Variants in TACC1 observed in about 807,000 individuals in gnomAD.
The protein encoded by TACC1 is transforming acidic coiled-coil-containing protein 1.
TACC1 carries 48 observed loss-of-function variants against 84.4 expected under a neutral mutation model. That is an observed-to-expected ratio of 0.57 (90% CI 0.45 to 0.72). The LOEUF (loss-of-function observed/expected upper bound fraction) is 0.72. Among genes scored for constraint, TACC1 ranks in the 30% least tolerant of loss-of-function variants. The pLI, the probability that TACC1 is intolerant of heterozygous loss-of-function variation, is 0.00. For missense variants in TACC1, 920 were observed against 973.0 expected (o/e 0.95, Z 0.72); for synonymous variants, 372 against 376.3 (o/e 0.99, Z 0.13).
intron 3 of TACC1, among the ~76,000 whole-genome samples, chr8:38,770,099 G>T (rs1411014220): frequency 6.6e-6 from 1 of 151,828 alleles, no homozygotes; most frequent in Non-Finnish European, 1.5e-5. Context: ...GAACATGCGT[G>T]CTCCCTGCGC....
intron 3 of TACC1, among the ~76,000 whole-genome samples, chr8:38,777,959 A>C (rs1442309781): frequency 6.6e-6 from 1 of 152,218 alleles, no homozygotes; most frequent in Non-Finnish European, 1.5e-5. Context: ...TTCTTTTGCT[A>C]GAAGAAATAA....
In TACC1 at chr8:38,819,742, C is replaced by T. The variant is rs747033299; in HGVS notation, c.498C>T (p.Leu166=). The T allele has an allele frequency of 2.5e-5, 40 of 1,613,942 alleles. No homozygotes were observed. The highest frequency in any genetic ancestry group is 8.9e-5 in the East Asian group (4 of 44,890). Residue 166 remains leucine (L), a synonymous_variant, in exon 3 of 13, where the codon CTC becomes CTT. Coordinates refer to ENST00000317827, the MANE Select transcript of TACC1 (RefSeq NM_006283.3). Reference sequence around the variant, plus strand: ...ATTCCACGGATATCTCGGCAGTCCTCGGAACAAAAGCAGCTCATGGCTGTG... The same window carrying T: ...ATTCCACGGATATCTCGGCAGTCCTTGGAACAAAAGCAGCTCATGGCTGTG... ...TKDSTDISAV[L]GTKAAHGCVT...
chr8:38,772,661 G>C (rs1301066629), intron 3 of TACC1, among the ~76,000 whole-genome samples: 1 of 152,144 alleles, frequency 6.6e-6, no homozygotes, highest in Non-Finnish European at 1.5e-5. Flanking sequence ...AAGAAAACAA[G>C]CGGCATAATG....
intron 2 of TACC1, among the ~76,000 whole-genome samples, chr8:38,789,530 A>C (rs542719938): frequency 6.6e-6 from 1 of 152,328 alleles, no homozygotes; most frequent in African/African-American, 2.4e-5. Context: ...AGAACCTGTG[A>C]AGGGTTAAGC....
rs1832700460 is a variant in TACC1 at position 38,848,545 on chromosome 8, A to G, written c.*522A>G. On this transcript the variant is annotated 3_prime_UTR_variant, in exon 13 of 13. Transcript: ENST00000317827. The stretch of plus-strand genomic sequence containing the variant: ...ATTACACACACTCTCACACACATAC[A>G]TGTATGTTTATAGATGCTGCTGCTC... 1 of 152,676 alleles carries G rather than the reference A, an allele frequency of 6.5e-6. No individual in the cohort carries two copies. The highest frequency in any genetic ancestry group is 2.1e-4 in the South Asian group (1 of 4,824). 9.5% of individuals were successfully genotyped at this position (152,676 alleles called of 1,614,324 possible). A position where few individuals can be genotyped will look rare whatever the true frequency, so the allele number is the denominator to read the frequency against.
At chr8:38,831,091 T>A (rs749988519) in intron 5 of TACC1, 34 bp from the exon 6 acceptor site, 30 of 1,612,694 alleles carry the variant, frequency 1.9e-5, no homozygotes, top group Non-Finnish European at 2.5e-5. Flanking sequence ...AACCGACTTC[T>A]TGGGATAACT....
intron 1 of TACC1, among the ~76,000 whole-genome samples, chr8:38,737,207 C>T (rs765568879): frequency 2.0e-5 from 3 of 152,184 alleles, no homozygotes; most frequent in South Asian, 4.1e-4. Context: ...ACTTCTCCTC[C>T]GTGCCTCCCT....
At chr8:38,794,517 G>A (rs761632778) in intron 2 of TACC1, among the ~76,000 whole-genome samples, 1 of 151,644 alleles carries the variant, frequency 6.6e-6, no homozygotes, top group Non-Finnish European at 1.5e-5. Flanking sequence ...GGTTGATATG[G>A]TGTATTTTTA....
chr8:38,777,255 CAAAAA>C (rs767145067), intron 3 of TACC1, among the ~76,000 whole-genome samples: 1 of 88,270 alleles, frequency 1.1e-5, no homozygotes. Flanking sequence ...GACTCCATCT[CAAAAA>C]AAAAAAAAAA....
intron 1 of TACC1, among the ~76,000 whole-genome samples, chr8:38,737,430 G>T (rs1004739692): frequency 6.6e-6 from 1 of 152,200 alleles, no homozygotes; most frequent in African/African-American, 2.4e-5. Flanking sequence ...AGGAGACTGG[G>T]CTGGAACAGA....
intron 4 of TACC1, among the ~76,000 whole-genome samples, chr8:38,825,811 T>G (rs36029398): frequency 0.13 from 19,668 of 152,208 alleles, 1,574 homozygotes; most frequent in South Asian, 0.29. Context: ...GATGGTAGAT[T>G]TTTTTGGGCA....
intron 2 of TACC1, among the ~76,000 whole-genome samples, chr8:38,812,522 C>A (rs2152132056): frequency 6.6e-6 from 1 of 152,304 alleles, no homozygotes; most frequent in Non-Finnish European, 1.5e-5. Flanking sequence ...ACTTCCTATT[C>A]ATTAGCATCA....
In TACC1 at chr8:38,787,283, G is replaced by C. The variant is rs1563472605; in HGVS notation, c.-300G>C. ...AGCAGCAGAGGTCTAGCAGCCGGGC[G>C]CCGCGGGCCGGGGGCCTGAGGAGGC... On this transcript the variant is annotated 5_prime_UTR_variant, in exon 1 of 13. Transcript: ENST00000317827. The C allele has an allele frequency of 1.2e-5, 13 of 1,096,022 alleles. No homozygotes were observed. The highest frequency in any genetic ancestry group is 4.2e-5 in the South Asian group (1 of 24,038). The allele number at this position is 1,096,022 out of a possible 1,614,324, so 67.9% of individuals were successfully genotyped here.
rs1832965208 is a variant in TACC1 at position 38,850,732 on chromosome 8, C to T, written c.*2709C>T. The T allele has an allele frequency of 1.5e-5, 2 of 129,606 alleles. No homozygotes were observed. Among genetic ancestry groups the T allele is most frequent in the Admixed American group, 1.8e-4 (2 of 11,068 alleles). The allele number at this position is 129,606 out of a possible 1,614,324, so 8.0% of individuals were successfully genotyped here. ...GGTCAAGGCTGCAGTGAGCCATGAT[C>T]ATGCCACTGCACTCCATCCTGGGTG... On this transcript the variant is annotated 3_prime_UTR_variant, in exon 13 of 13. Coordinates refer to ENST00000317827, the MANE Select transcript of TACC1 (RefSeq NM_006283.3).
chr8:38,819,815 C>T lies in TACC1; in HGVS notation c.571C>T (p.Leu191Phe). 5 of 1,613,962 alleles carry T rather than the reference C, an allele frequency of 3.1e-6. No homozygotes were observed. In the Middle Eastern group the frequency reaches 6.6e-4, roughly 213 times the overall value. ...KALPSSPPDA[L>F]QDEAMTEGSM... ...TCTGCCTTCCAGCCCGCCAGACGCC[C>T]TCCAGGACGAGGCGATGACAGAAGG... is the stretch of plus-strand genomic sequence containing the variant. The change falls in exon 3 of 13, where the codon CTC (leucine) becomes TTC (phenylalanine). Residue 191 changes from leucine to phenylalanine, a missense_variant. By Grantham distance (22) the Leu-to-Phe change is conservative (BLOSUM62 0). This residue lies in a region of TACC1 where 762 missense variants were observed against 747.3 expected (regional missense o/e 1.02). Coordinates refer to ENST00000317827, the MANE Select transcript of TACC1 (RefSeq NM_006283.3).
chr8:38,835,971 GTCAT>G (rs1830142477), intron 6 of TACC1, among the ~76,000 whole-genome samples, 187 bp from the exon 7 acceptor site: 1 of 152,212 alleles, frequency 6.6e-6, no homozygotes, highest in South Asian at 2.1e-4. Context: ...CACTCTGATA[GTCAT>G]TATAACAGTT....
Position 38,819,901 on chromosome 8 carries a change from T to C in TACC1, c.657T>C (p.Cys219=), listed in dbSNP as rs200313367. The C allele has an allele frequency of 2.6e-5, 42 of 1,614,046 alleles. No homozygotes were observed. The East Asian group carries it at 9.1e-4, about 35-fold the overall frequency. The stretch of plus-strand genomic sequence containing the variant: ...CTGATCTAAAAGCTGGCAACTCCTG[T>C]CCAGAGCTTGTGCCCAGCAGAAGAA... The part of the protein sequence containing the change: ...AEADLKAGNS[C]PELVPSRRSK... The change falls in exon 3 of 13, where the codon TGT becomes TGC. Residue 219 remains cysteine, a synonymous_variant. Transcript: ENST00000317827.
At chr8:38,792,947 G>A (rs1819084646) in intron 2 of TACC1, among the ~76,000 whole-genome samples, 2 of 152,090 alleles carry the variant, frequency 1.3e-5, no homozygotes, top group South Asian at 4.2e-4. Context: ...TTGTGGCTTT[G>A]TGTAGCTGTT....
chr8:38,782,109 C>T (rs1382597494), intron 3 of TACC1, among the ~76,000 whole-genome samples: 4 of 150,930 alleles, frequency 2.7e-5, no homozygotes, highest in African/African-American at 7.3e-5. Flanking sequence ...CATGCTGGTG[C>T]GCTGCACCCA....
Sources: allele counts gnomAD v4.1 joint callset (sites outside exome capture counted in the v4.1 genomes callset), GRCh38; gene constraint gnomAD v4.1.1; regional missense constraint gnomAD v4.1.1; transcripts MANE v1.5; gene names NCBI Gene and HGNC (gene_info 2026-07-23, HGNC 2026-07-21).